Variants in UGT2B4 observed in about 807,000 individuals in gnomAD.
UGT2B4 encodes the protein UDP glucuronosyltransferase family 2 member B4.
UGT2B4 carries 49 observed loss-of-function variants against 49.8 expected under a neutral mutation model. The ratio of observed to expected loss-of-function variants is 0.98; its 90% CI spans 0.78 to 1.25. The LOEUF (loss-of-function observed/expected upper bound fraction) is 1.25. UGT2B4 is among the 50% of genes most tolerant of loss of function. The pLI, the probability that UGT2B4 is intolerant of heterozygous loss-of-function variation, is 0.00. For synonymous variants in UGT2B4, 246 were observed against 217.7 expected, an observed-to-expected ratio of 1.13 and a Z score of -1.14; for missense variants, 729 against 627.7, an observed-to-expected ratio of 1.16 and a Z score of -1.73.
At chr4:69,488,829 T>C (rs1727871217) in intron 3 of UGT2B4, among the ~76,000 whole-genome samples, 1 of 152,058 alleles carries the variant, frequency 6.6e-6, no homozygotes, top group African/African-American at 2.4e-5. Context: ...GGCTGCTTTT[T>C]CTCTTTCTCC....
chr4:69,514,155 A>G (rs773368556), intron 1 of UGT2B4, among the ~76,000 whole-genome samples: 4 of 152,082 alleles, frequency 2.6e-5, no homozygotes, highest in Non-Finnish European at 5.9e-5. Context: ...TTTGTTACAT[A>G]TGTATACATG....
rs115440908 is a variant in UGT2B4, at chr4:69,506,792, A to G, written c.-105-10826T>C. 2.7e-3 allele frequency among the ~76,000 whole-genome samples: 409 copies of G among 152,318 alleles called. 1 individual carries two copies. Among genetic ancestry groups the G allele is most frequent in the African/African-American group, 9.6e-3 (401 of 41,576 alleles). On this transcript the variant is annotated intron_variant, in intron 1 of 1. Coordinates refer to the UGT2B4 transcript ENST00000510114. ...CAAAAAATGAAAACTTCAAGCCAAT[A>G]TCCTTGGTAAACCTCAATACAAATA...
intron 1 of UGT2B4, among the ~76,000 whole-genome samples, chr4:69,517,050 A>G (rs1728751215): frequency 6.6e-6 from 1 of 151,948 alleles, no homozygotes; most frequent in African/African-American, 2.4e-5. Context: ...GGTTTCAAAA[A>G]TTTTCTTCCA....
In UGT2B4 at chr4:69,480,606, G is replaced by A; in HGVS notation, c.*28C>T. On this transcript the variant is annotated 3_prime_UTR_variant, in exon 6 of 6. Transcript: ENST00000305107. ...TAAACTAAAGGAGTTCATTTATTGG[G>A]TTTCCCAGCTTCCAGCCTCAGACGT... 2.5e-6 allele frequency: 4 copies of A among 1,605,338 alleles called. No homozygotes were observed. The highest frequency in any genetic ancestry group is 3.4e-6 in the Non-Finnish European group (4 of 1,174,908).
intron 1 of UGT2B4, among the ~76,000 whole-genome samples, chr4:69,517,356 C>A (rs1381692357): frequency 6.6e-6 from 1 of 151,948 alleles, no homozygotes; most frequent in Non-Finnish European, 1.5e-5. Context: ...GAATGATGAC[C>A]ATCTTATTTT....
upstream of UGT2B4, among the ~76,000 whole-genome samples, chr4:69,500,661 G>T (rs935462867): frequency 1.7e-5 from 2 of 117,642 alleles, no homozygotes; most frequent in African/African-American, 5.2e-5. Flanking sequence ...AAGAAAGAAA[G>T]AAAGAAAGGA....
intron 2 of UGT2B4, among the ~76,000 whole-genome samples, chr4:69,490,623 A>G (rs1727954987): frequency 6.6e-6 from 1 of 152,152 alleles, no homozygotes; most frequent in South Asian, 2.1e-4. Flanking sequence ...ATTGGGGTAA[A>G]ACTTTTTCTT....
At position 69,485,301 on chromosome 4, in the gene UGT2B4, A is replaced by T; in HGVS notation, c.1217T>A (p.Met406Lys). 1 of 1,614,014 alleles carries T rather than the reference A, an allele frequency of 6.2e-7. No individual in the cohort carries two copies. Among genetic ancestry groups the T allele is most frequent in the Non-Finnish European group, 8.5e-7 (1 of 1,179,944 alleles). Residue 406 changes from methionine (M) to lysine (K), a missense_variant, in exon 5 of 6, where the codon ATG becomes AAG. Coordinates refer to ENST00000305107, the MANE Select transcript of UGT2B4 (RefSeq NM_021139.3). ...ACTAACAGCTGCTCCCTTGGCCTTC[A>T]TGTGTGCAATGTTATCAGGTTGATC... ...FADQPDNIAH[M>K]KAKGAAVSLD...
At chr4:69,500,610 A>AAAGCAAGAAAAC, upstream of UGT2B4, among the ~76,000 whole-genome samples, 1 of 76,922 alleles carries the variant, frequency 1.3e-5, no homozygotes, top group East Asian at 3.8e-4. Context: ...AGCAAGGAAG[A>AAAGCAAGAAAAC]AAGAAAGAAA....
intron 1 of UGT2B4, among the ~76,000 whole-genome samples, chr4:69,494,585 G>T (rs1728086740): frequency 6.6e-6 from 1 of 152,058 alleles, no homozygotes; most frequent in Non-Finnish European, 1.5e-5. Flanking sequence ...TTTAGTGAAG[G>T]AATAGAAACA....
intron 1 of UGT2B4, among the ~76,000 whole-genome samples, chr4:69,507,148 C>T (rs1257623050): frequency 3.9e-5 from 6 of 152,266 alleles, no homozygotes; most frequent in African/African-American, 1.4e-4. Context: ...GGAGAGATTT[C>T]CCTTGAAAAC....
intron 1 of UGT2B4, among the ~76,000 whole-genome samples, chr4:69,508,198 A>T (rs889230331): frequency 1.3e-5 from 2 of 152,088 alleles, no homozygotes; most frequent in Non-Finnish European, 2.9e-5. Flanking sequence ...AAAATAAATT[A>T]AAAAAACAGA....
intron 1 of UGT2B4, among the ~76,000 whole-genome samples, chr4:69,508,663 T>C (rs1367573979): frequency 2.0e-5 from 3 of 151,978 alleles, no homozygotes; most frequent in Admixed American, 6.6e-5. Flanking sequence ...TGAGAACACA[T>C]GGACACATAG....
intron 1 of UGT2B4, among the ~76,000 whole-genome samples, chr4:69,513,017 C>G (rs1402629392): frequency 6.6e-6 from 1 of 152,072 alleles, no homozygotes; most frequent in Non-Finnish European, 1.5e-5. Context: ...CAAAAAATTT[C>G]TCCCATTCTG....
At chr4:69,504,695 G>A (rs1728426125) in intron 1 of UGT2B4, among the ~76,000 whole-genome samples, 2 of 152,022 alleles carry the variant, frequency 1.3e-5, no homozygotes, top group African/African-American at 4.8e-5. Context: ...CCATCCCTGA[G>A]AATTTTCCCT....
At chr4:69,489,598 A>G (rs1232730297) in intron 2 of UGT2B4, 28 bp from the exon 3 acceptor site, 4 of 1,591,428 alleles carry the variant, frequency 2.5e-6, no homozygotes, top group Middle Eastern at 1.7e-4. Context: ...TTGTTCTATC[A>G]TAATAGATTA....
chr4:69,491,845 A>G (rs112195733), intron 2 of UGT2B4, among the ~76,000 whole-genome samples: 37 of 152,206 alleles, frequency 2.4e-4, no homozygotes, highest in African/African-American at 8.7e-4. Context: ...TTAGAAAGTT[A>G]CCATATAAAG....
chr4:69,496,181 C>A (rs1414506919), upstream of UGT2B4, among the ~76,000 whole-genome samples: 1 of 152,014 alleles, frequency 6.6e-6, no homozygotes, highest in African/African-American at 2.4e-5. Context: ...CCTGCCACCG[C>A]ACCCAGCTAA....
At chr4:69,502,108 T>TCTTTCTTC (rs2109821396) in intron 1 of UGT2B4, among the ~76,000 whole-genome samples, 1 of 117,912 alleles carries the variant, frequency 8.5e-6, no homozygotes, top group East Asian at 2.4e-4. Context: ...TTTCTTTCTT[T>TCTTTCTTC]CTTTCTTTCT....
Sources: gnomAD v4.1 joint callset for allele counts (sites outside exome capture counted in the v4.1 genomes callset) on GRCh38, gnomAD v4.1.1 for gene constraint, MANE v1.5 for transcripts, NCBI Gene and HGNC (gene_info 2026-07-23, HGNC 2026-07-21) for gene names.